TBC1D32: variants seen among roughly 807,000 people sequenced by gnomAD.
TBC1D32 encodes the protein TBC1 domain family member 32.
Under a neutral mutation model 170.3 loss-of-function variants are expected in TBC1D32, and 151 were observed. The observed-to-expected ratio is 0.89, with a 90% confidence interval of 0.78 to 1.01. TBC1D32 has a LOEUF of 1.01. Ranked by LOEUF, TBC1D32 falls within the 50% of genes least tolerant of loss-of-function variation. The pLI, the probability that TBC1D32 is intolerant of heterozygous loss-of-function variation, is 0.00. For missense variants in TBC1D32, 1,464 were observed against 1,457.1 expected (o/e 1.00, Z -0.08); for synonymous variants, 498 against 488.0 (o/e 1.02, Z -0.27).
At chr6:121,260,698 A>G (rs78666896) in intron 15 of TBC1D32, among the ~76,000 whole-genome samples, 5,000 of 152,284 alleles carry the variant, frequency 0.033, 194 homozygotes, top group East Asian at 0.12. Context: ...CCTTCAGTCC[A>G]AACCACAGAG....
chr6:121,234,442 G>A (rs1796103777), intron 20 of TBC1D32, among the ~76,000 whole-genome samples: 1 of 151,982 alleles, frequency 6.6e-6, no homozygotes. Flanking sequence ...GATGGGTTGA[G>A]TTAATGTGAA....
Position 121,318,929 on chromosome 6 carries a change from A to T in TBC1D32, c.318-1257T>A, listed in dbSNP as rs141221431. Reference sequence around the variant, plus strand: ...AAATCAAAAGAAGAAAAGGTAGTTTATCTCTCATAAGAGAAATCAAACCTG... The same window carrying T: ...AAATCAAAAGAAGAAAAGGTAGTTTTTCTCTCATAAGAGAAATCAAACCTG... On this transcript the variant is annotated intron_variant, in intron 2 of 31. Coordinates refer to ENST00000398212, the MANE Select transcript of TBC1D32 (RefSeq NM_152730.6). Among the ~76,000 whole-genome samples, 516 of 151,306 alleles carry T rather than the reference A, an allele frequency of 3.4e-3. 4 individuals are homozygous for T. The highest frequency in any genetic ancestry group is 6.7e-3 in the Admixed American group (101 of 15,156).
intron 24 of TBC1D32, among the ~76,000 whole-genome samples, chr6:121,157,343 T>G (rs1461887795): frequency 6.6e-6 from 1 of 152,166 alleles, no homozygotes; most frequent in Non-Finnish European, 1.5e-5. Context: ...TGCTCTTTTA[T>G]GTTTTCCATT....
chr6:121,281,427 A>T, intron 14 of TBC1D32, 117 bp downstream of exon 14: 1 of 695,726 alleles, frequency 1.4e-6, no homozygotes, highest in Non-Finnish European at 2.3e-6. Flanking sequence ...CACAAAATAC[A>T]TTCATATATG....
intron 12 of TBC1D32, among the ~76,000 whole-genome samples, chr6:121,288,378 T>C (rs573812890): frequency 1.3e-5 from 2 of 152,148 alleles, no homozygotes; most frequent in Non-Finnish European, 2.9e-5. Flanking sequence ...TAAACACCTC[T>C]ACACAAATAA....
chr6:121,216,662 C>T (rs1793862410), intron 21 of TBC1D32, among the ~76,000 whole-genome samples: 2 of 152,144 alleles, frequency 1.3e-5, no homozygotes, highest in Non-Finnish European at 2.9e-5. Flanking sequence ...ATATGTAATA[C>T]ATTTGACCAT....
At position 121,243,808 on chromosome 6, in the gene TBC1D32, AAC is replaced by A. The variant is rs1354852716; in HGVS notation, c.2019-1471_2019-1470del. 1.8e-3 allele frequency among the ~76,000 whole-genome samples: 281 copies of A among 152,172 alleles called. 2 individuals carry two copies. The highest frequency in any genetic ancestry group is 6.2e-3 in the African/African-American group (258 of 41,544). ...AACTATGTTTGAAGACCAAAAAAAA[AAC>A]ACAGACGCACTTCCAATATTTAATG... is the stretch of plus-strand genomic sequence containing the variant. On this transcript the variant is annotated intron_variant, in intron 17 of 31. Coordinates refer to ENST00000398212, the MANE Select transcript of TBC1D32 (RefSeq NM_152730.6).
intron 15 of TBC1D32, among the ~76,000 whole-genome samples, chr6:121,271,267 A>T (rs1003910207): frequency 1.3e-5 from 2 of 152,184 alleles, no homozygotes; most frequent in African/African-American, 4.8e-5. Context: ...GGCCAGGGCA[A>T]TCAGGCAGGA....
chr6:121,256,158 A>C lies in TBC1D32; in HGVS notation c.1861T>G (p.Tyr621Asp). Reference sequence around the variant, plus strand: ...ACCTGCAAACCTTCACATGTACTATATATGTGACGACACACAGAAATAAAA... The same window carrying C: ...ACCTGCAAACCTTCACATGTACTATCTATGTGACGACACACAGAAATAAAA... ...GAFISVCRHIYSTCEGLQVLI... is the reference protein window; with the variant it reads ...GAFISVCRHIDSTCEGLQVLI... The change falls in exon 16 of 32, where the codon TAT becomes GAT. Residue 621 changes from tyrosine (Y) to aspartate (D), a missense_variant. Around this residue, in one of 3 missense-constraint regions of TBC1D32, gnomAD observed 1,363 missense variants for 1,338.1 expected, o/e 1.02. Coordinates refer to ENST00000398212, the MANE Select transcript of TBC1D32 (RefSeq NM_152730.6). The C allele has an allele frequency of 1.2e-6, 2 of 1,614,054 alleles. No homozygotes were observed. The highest frequency in any genetic ancestry group is 8.5e-7 in the Non-Finnish European group (1 of 1,179,964).
chr6:121,244,983 C>T (rs752379205), intron 17 of TBC1D32, among the ~76,000 whole-genome samples: 1 of 152,168 alleles, frequency 6.6e-6, no homozygotes, highest in Non-Finnish European at 1.5e-5. Context: ...CTTGCAAGTG[C>T]CACTTCCTGG....
At chr6:121,258,906 A>G (rs925050874) in intron 15 of TBC1D32, among the ~76,000 whole-genome samples, 4 of 152,064 alleles carry the variant, frequency 2.6e-5, no homozygotes, top group African/African-American at 7.2e-5. Flanking sequence ...TGGACCATGA[A>G]GATTCAGAAG....
chr6:121,093,655 T>C (rs1379835960), intron 30 of TBC1D32, among the ~76,000 whole-genome samples: 1 of 152,170 alleles, frequency 6.6e-6, no homozygotes, highest in East Asian at 1.9e-4. Context: ...CCCTAGAATC[T>C]GCAACAGTTC....
At chr6:121,213,678 C>T (rs1012340148) in intron 21 of TBC1D32, among the ~76,000 whole-genome samples, 104 of 152,124 alleles carry the variant, frequency 6.8e-4, no homozygotes, top group African/African-American at 2.5e-3. Context: ...ACATTCGATG[C>T]TTATGGATAG....
At position 121,126,455 on chromosome 6, in the gene TBC1D32, A is replaced by C; in HGVS notation, c.2906T>G (p.Ile969Arg). Reference protein sequence around the residue: ...KPDIISGEALIELLEKFVLHL... With the variant: ...KPDIISGEALRELLEKFVLHL... ...AAGCACAAATTTTTCAAGTAATTCT[A>C]TTAAGGCTGTAATAAACAAAGGAAT... The change falls in exon 26 of 32, where the codon ATA becomes AGA. Residue 969 changes from isoleucine to arginine, a missense_variant. Transcript: ENST00000398212. 6.2e-7 allele frequency: 1 copy of C among 1,609,246 alleles called. No homozygotes were observed. Among genetic ancestry groups the C allele is most frequent in the South Asian group, 1.1e-5 (1 of 90,674 alleles).
chr6:121,222,916 A>T (rs1794679465), intron 21 of TBC1D32, among the ~76,000 whole-genome samples: 1 of 152,212 alleles, frequency 6.6e-6, no homozygotes, highest in African/African-American at 2.4e-5. Flanking sequence ...CCAATGAAGC[A>T]GCATCACTGG....
At chr6:121,163,080 G>T (rs1196610238) in intron 22 of TBC1D32, 4 of 11,602 alleles carry the variant, frequency 3.4e-4, no homozygotes, top group African/African-American at 7.8e-4. Context: ...CTACGCCCAC[G>T]GAATCTCGCT....
chr6:121,081,958 T>C (rs1489014814), intron 31 of TBC1D32, among the ~76,000 whole-genome samples: 2 of 152,052 alleles, frequency 1.3e-5, no homozygotes, highest in South Asian at 4.1e-4. Flanking sequence ...ACAAGGCTGA[T>C]ATTACAGCTG....
chr6:121,259,790 G>A (rs576206480), intron 15 of TBC1D32, among the ~76,000 whole-genome samples: 1 of 152,130 alleles, frequency 6.6e-6, no homozygotes, highest in Non-Finnish European at 1.5e-5. Context: ...TCTCTAAATT[G>A]GGGGGTAAAA....
rs189168743 is a variant in TBC1D32 at position 121,153,444 on chromosome 6, G to A, written c.2773+6566C>T. Among the ~76,000 whole-genome samples the A allele has an allele frequency of 2.6e-5, 4 of 152,228 alleles. No individual in the cohort carries two copies. The East Asian group carries it at 7.8e-4, about 30-fold the overall frequency. On this transcript the variant is annotated intron_variant, in intron 24 of 31. Coordinates refer to ENST00000398212, the MANE Select transcript of TBC1D32 (RefSeq NM_152730.6). ...GGTGTCTGTTGAACCCTGCTGTGAG[G>A]TTTCTCCCCATCTGGAGGTATGGGG...
Sources: allele counts gnomAD v4.1 joint callset (sites outside exome capture counted in the v4.1 genomes callset), GRCh38; gene constraint gnomAD v4.1.1; regional missense constraint gnomAD v4.1.1; transcripts MANE v1.5; gene names NCBI Gene and HGNC (gene_info 2026-07-23, HGNC 2026-07-21).